The following ZNF385D variants were observed in gnomAD, a reference collection of about 807,000 sequenced individuals.
ZNF385D encodes zinc finger protein 385D.
Under a neutral mutation model 35.8 loss-of-function variants are expected in ZNF385D, and 15 were observed. That is an observed-to-expected ratio of 0.42 (90% confidence interval 0.28 to 0.64). The LOEUF is 0.64. ZNF385D is among the 30% of genes least tolerant of loss of function. The probability of loss-of-function intolerance (pLI) is 0.23; values close to 1 mark genes in which losing one functional copy is unlikely to be tolerated. For missense variants in ZNF385D, 474 were observed against 494.6 expected, an observed-to-expected ratio of 0.96 and a Z score of 0.39; for synonymous variants, 212 against 186.8, an observed-to-expected ratio of 1.13 and a Z score of -1.10.
chr3:21,881,352 C>G (rs540948984), intron 3 of ZNF385D, among the ~76,000 whole-genome samples: 7 of 151,956 alleles, frequency 4.6e-5, no homozygotes, highest in African/African-American at 1.7e-4. Context: ...TTCCAAACAT[C>G]CTATGCCCTT....
intron 3 of ZNF385D, among the ~76,000 whole-genome samples, chr3:21,939,876 A>G (rs1000517541): frequency 6.6e-6 from 1 of 152,224 alleles, no homozygotes; most frequent in Non-Finnish European, 1.5e-5. Flanking sequence ...TTCCTTGTTC[A>G]GATGGCACTG....
intron 3 of ZNF385D, among the ~76,000 whole-genome samples, chr3:21,933,834 A>T (rs888720092): frequency 6.6e-6 from 1 of 152,166 alleles, no homozygotes; most frequent in African/African-American, 2.4e-5. Context: ...TAGCATTTAA[A>T]TTCTCTTAGG....
At chr3:21,463,894 G>GT (rs35256846) in intron 4 of ZNF385D, among the ~76,000 whole-genome samples, 47,543 of 148,152 alleles carry the variant, frequency 0.32, 7,639 homozygotes, top group Middle Eastern at 0.48. Flanking sequence ...CTTAGCCTCA[G>GT]TTTTTTTTTT....
At position 22,330,306 on chromosome 3, in the gene ZNF385D, CT is replaced by C. The variant is rs1158608951; in HGVS notation, c.106+42143del. 9.2e-5 allele frequency among the ~76,000 whole-genome samples: 14 copies of C among 152,200 alleles called. No homozygotes were observed. In the East Asian group the frequency reaches 1.7e-3, roughly 19 times the overall value. ...CTTTGTCAGGCTTTTATAAAATCAACTTTATCCAGGGTAAATTCATGTACTA... is the reference window on the plus strand; with the variant it reads ...CTTTGTCAGGCTTTTATAAAATCAACTTATCCAGGGTAAATTCATGTACTA... On this transcript the variant is annotated intron_variant, in intron 2 of 5. Coordinates refer to the ZNF385D transcript ENST00000494108.
chr3:21,593,136 T>G (rs1478422723), intron 2 of ZNF385D, among the ~76,000 whole-genome samples: 1 of 152,170 alleles, frequency 6.6e-6, no homozygotes, highest in African/African-American at 2.4e-5. Flanking sequence ...CTTTCTTTTC[T>G]GGTCACTCCC....
intron 1 of ZNF385D, among the ~76,000 whole-genome samples, chr3:21,718,478 A>T (rs1410665465): frequency 6.6e-6 from 1 of 152,222 alleles, no homozygotes; most frequent in Non-Finnish European, 1.5e-5. Context: ...TTATCTAAGC[A>T]CTTACTACGT....
At chr3:21,663,871 A>G (rs536960467) in intron 2 of ZNF385D, among the ~76,000 whole-genome samples, 4 of 133,824 alleles carry the variant, frequency 3.0e-5, no homozygotes, top group African/African-American at 1.1e-4. Flanking sequence ...CTCCTGAAGA[A>G]TTATTTAATT....
intron 3 of ZNF385D, among the ~76,000 whole-genome samples, chr3:21,980,338 C>T (rs1030722249): frequency 6.6e-6 from 1 of 152,114 alleles, no homozygotes; most frequent in Non-Finnish European, 1.5e-5. Flanking sequence ...ATTCCTGACT[C>T]ATGGAAACTG....
chr3:21,995,937 T>A (rs954121872), intron 3 of ZNF385D, among the ~76,000 whole-genome samples: 5 of 152,068 alleles, frequency 3.3e-5, no homozygotes, highest in Non-Finnish European at 5.9e-5. Flanking sequence ...TGTAGGATAC[T>A]GTGTGGGCTA....
At chr3:21,909,527 T>C (rs1306076805) in intron 3 of ZNF385D, among the ~76,000 whole-genome samples, 1 of 152,034 alleles carries the variant, frequency 6.6e-6, no homozygotes, top group African/African-American at 2.4e-5. Context: ...TAGCTAAATA[T>C]TGAGCTCCAT....
intron 2 of ZNF385D, among the ~76,000 whole-genome samples, chr3:21,637,251 T>C (rs984389988): frequency 6.6e-6 from 1 of 152,136 alleles, no homozygotes; most frequent in Non-Finnish European, 1.5e-5. Context: ...ATTTAAGTCC[T>C]TGATCCACCT....
intron 3 of ZNF385D, among the ~76,000 whole-genome samples, chr3:22,138,246 G>A (rs1445317595): frequency 1.3e-5 from 2 of 152,128 alleles, no homozygotes; most frequent in African/African-American, 2.4e-5. Flanking sequence ...ACTGCCCAAG[G>A]CAATTTATAG....
chr3:21,541,934 G>C (rs2062186857), intron 3 of ZNF385D, among the ~76,000 whole-genome samples: 1 of 152,198 alleles, frequency 6.6e-6, no homozygotes, highest in African/African-American at 2.4e-5. Flanking sequence ...CCAGCAATTT[G>C]TGGGCAACTG....
chr3:22,187,237 G>A lies in ZNF385D; in HGVS notation c.107-18202C>T, dbSNP rs1339060310. 4.6e-5 allele frequency among the ~76,000 whole-genome samples: 7 copies of A among 152,234 alleles called. No individual in the cohort carries two copies. The East Asian group carries it at 1.4e-3, about 29-fold the overall frequency. On this transcript the variant is annotated intron_variant, in intron 2 of 5. Transcript: ENST00000494108. ...GCTTTTAACTGGCATCTTGTACTGTGGAAGTACACTGCAGTCATTTATTTA... is the reference window on the plus strand; with the variant it reads ...GCTTTTAACTGGCATCTTGTACTGTAGAAGTACACTGCAGTCATTTATTTA...
chr3:21,703,400 C>G (rs546709194), intron 1 of ZNF385D, among the ~76,000 whole-genome samples: 1 of 152,210 alleles, frequency 6.6e-6, no homozygotes, highest in South Asian at 2.1e-4. Flanking sequence ...TAGAATTCAG[C>G]TTGAGATTTG....
intron 2 of ZNF385D, among the ~76,000 whole-genome samples, chr3:21,658,657 T>C (rs747214423): frequency 2.4e-4 from 36 of 152,040 alleles, no homozygotes; most frequent in African/African-American, 8.7e-4. Flanking sequence ...CTATGTTTCA[T>C]GTTCTATACT....
chr3:22,207,581 T>C (rs2728978), intron 2 of ZNF385D, among the ~76,000 whole-genome samples: 92,848 of 151,726 alleles, frequency 0.61, 30,712 homozygotes, highest in African/African-American at 0.87. Context: ...AAAGCAAAAA[T>C]AGACAAATGG....
At chr3:21,597,410 C>T (rs1295743701) in intron 2 of ZNF385D, among the ~76,000 whole-genome samples, 1 of 151,918 alleles carries the variant, frequency 6.6e-6, no homozygotes, top group African/African-American at 2.4e-5. Flanking sequence ...GCCATGATCT[C>T]TACTTCCACA....
chr3:21,761,776 T>C (rs1317546456), intron 3 of ZNF385D, among the ~76,000 whole-genome samples: 1 of 152,014 alleles, frequency 6.6e-6, no homozygotes, highest in Non-Finnish European at 1.5e-5. Flanking sequence ...TTTTCTAGCT[T>C]TTTTCAGGTA....
Sources: allele counts gnomAD v4.1 joint callset (sites outside exome capture counted in the v4.1 genomes callset), GRCh38; gene constraint gnomAD v4.1.1; transcripts MANE v1.5; gene names NCBI Gene and HGNC (gene_info 2026-07-23, HGNC 2026-07-21).